SASH3: variants seen among roughly 807,000 people sequenced by gnomAD.
The protein encoded by SASH3 is SAM and SH3 domain containing 3, also known as SAM and SH3 domain-containing protein 3.
A neutral mutation model predicts 26.1 loss-of-function variants in SASH3; 7 were observed. That is an observed-to-expected ratio of 0.27 (90% CI 0.15 to 0.50). SASH3 has a LOEUF of 0.50. Among genes scored for constraint, SASH3 ranks in the 20% least tolerant of loss-of-function variants. The pLI is 0.98. For missense variants in SASH3, 231 were observed against 318.3 expected, an observed-to-expected ratio of 0.73 and a Z score of 2.09; for synonymous variants, 138 against 136.8, an observed-to-expected ratio of 1.01 and a Z score of -0.06.
intron 2 of SASH3, 67 bp downstream of exon 2, chrX:129,788,137 G>GTGGC: frequency 2.8e-6 from 1 of 354,264 alleles, no homozygotes. Context: ...GGGTGGGAGG[G>GTGGC]AAGAGGGTGA....
rs200345952 is a variant in SASH3 at position 129,788,493 on chromosome X, G to A, written c.216G>A (p.Leu72=). The A allele has an allele frequency of 8.3e-7, 1 of 1,209,859 alleles. No homozygotes were observed. The highest frequency in any genetic ancestry group is 1.7e-5 in the African/African-American group (1 of 57,226). ...PEDAGKSGKK[L]GKKWRAVISR... is the part of the protein sequence containing the mutation. ...ATGCTGGGAAGAGTGGCAAAAAGCT[G>A]GGGAAGAAGTGGAGGGCAGTGATTT... The change falls in exon 3 of 8, where the codon CTG becomes CTA. Residue 72 remains leucine, a synonymous_variant. Transcript: ENST00000356892.
At chrX:129,782,128 G>A (rs1287385737) in intron 1 of SASH3, among the ~76,000 whole-genome samples, 2 of 112,423 alleles carry the variant, frequency 1.8e-5, no homozygotes, top group South Asian at 3.6e-4. Flanking sequence ...ATCCTACCAC[G>A]CTCTAGCTGT....
intron 6 of SASH3, 66 bp from the exon 7 acceptor site, chrX:129,792,923 G>A: frequency 8.3e-7 from 1 of 1,202,449 alleles, no homozygotes. Flanking sequence ...GCTATGCGTA[G>A]TTGGGGAGGA....
intron 1 of SASH3, among the ~76,000 whole-genome samples, chrX:129,783,647 C>T (rs1927056562): frequency 8.9e-6 from 1 of 111,948 alleles, no homozygotes; most frequent in African/African-American, 3.3e-5. Flanking sequence ...AGCTGGCACA[C>T]AGGAAGTGCT....
At position 129,794,056 on chromosome X, in the gene SASH3, C is replaced by T. The variant is rs183390158; in HGVS notation, c.*224C>T. 49 of 388,335 alleles carry T rather than the reference C, an allele frequency of 1.3e-4. No individual in the cohort carries two copies. Among genetic ancestry groups the T allele is most frequent in the South Asian group, 4.0e-4 (7 of 17,445 alleles). 32.0% of individuals were successfully genotyped at this position (388,335 alleles called of 1,213,427 possible). On this transcript the variant is annotated 3_prime_UTR_variant, in exon 8 of 8. Transcript: ENST00000356892. ...GGGCACATCCCACCTGCCTGAGCCC[C>T]GCCCTCCACCAGCGACTGACAGCGC...
intron 1 of SASH3, among the ~76,000 whole-genome samples, chrX:129,785,023 A>G (rs1356223727): frequency 9.1e-6 from 1 of 109,847 alleles, no homozygotes; most frequent in Non-Finnish European, 1.9e-5. Flanking sequence ...TACAATACAT[A>G]TATACTCAAC....
chrX:129,788,791 G>A (rs1301138671), intron 3 of SASH3, among the ~76,000 whole-genome samples: 1 of 111,116 alleles, frequency 9.0e-6, no homozygotes, highest in African/African-American at 3.3e-5. Context: ...GGGAAGGGGT[G>A]GAGTTTGAGA....
chrX:129,793,545 G>C lies in SASH3; in HGVS notation c.953-97G>C. 3 of 898,587 alleles carry C rather than the reference G, an allele frequency of 3.3e-6. No individual in the cohort carries two copies. The East Asian group carries it at 1.0e-4, about 30-fold the overall frequency. 74.1% of individuals were successfully genotyped at this position (898,587 alleles called of 1,213,427 possible). A position where few individuals can be genotyped will look rare whatever the true frequency, so the allele number is the denominator to read the frequency against. On this transcript the variant is annotated intron_variant, in intron 7 of 7. Coordinates refer to ENST00000356892, the MANE Select transcript of SASH3 (RefSeq NM_018990.4). ...GAAGCAGTGAGGAGAGGGGCAGGGC[G>C]GTGGCAGGTGCCCAGAAGGAGAGAC...
At position 129,793,728 on chromosome X, in the gene SASH3, C is replaced by T. The variant is rs2124084444; in HGVS notation, c.1039C>T (p.Arg347Cys). 3.3e-6 allele frequency: 4 copies of T among 1,211,940 alleles called. No individual in the cohort carries two copies. The highest frequency in any genetic ancestry group is 4.5e-6 in the Non-Finnish European group (4 of 895,402). ...GTCGGAACCCAAGGTGGACATCCCG[C>T]GCGACTCAGGCTGCTTTGAGGGCTC... ...TVSEPKVDIP[R>C]DSGCFEGSES... is the part of the protein sequence containing the mutation. The change falls in exon 8 of 8, where the codon CGC (arginine) becomes TGC (cysteine). Residue 347 changes from arginine (R) to cysteine (C), a missense_variant. Physicochemically the swap from Arg to Cys is radical, Grantham distance 180. Transcript: ENST00000356892.
chrX:129,791,747 G>A (rs749296592), intron 4 of SASH3, among the ~76,000 whole-genome samples: 2 of 112,197 alleles, frequency 1.8e-5, no homozygotes, highest in African/African-American at 6.5e-5. Context: ...CCCTGCCCCC[G>A]ACTGAAAATC....
intron 3 of SASH3, among the ~76,000 whole-genome samples, chrX:129,789,855 T>C (rs1927200036): frequency 8.9e-6 from 1 of 111,966 alleles, no homozygotes; most frequent in Non-Finnish European, 1.9e-5. Context: ...TTGGTCAAAC[T>C]GTCAAAAATT....
At position 129,791,055 on chromosome X, in the gene SASH3, C is replaced by T. The variant is rs150062353; in HGVS notation, c.416C>T (p.Pro139Leu). The change falls in exon 4 of 8, where the codon CCG becomes CTG. Residue 139 changes from proline (P) to leucine (L), a missense_variant. Coordinates refer to ENST00000356892, the MANE Select transcript of SASH3 (RefSeq NM_018990.4). ...TCTGAGCAAGAGGAGCATGAACTTC[C>T]GGTGCTCAGCCGCCAGGCATCAACA... The part of the protein sequence containing the change: ...AFSEQEEHEL[P>L]VLSRQASTGS... 154 of 1,209,346 alleles carry T rather than the reference C, an allele frequency of 1.3e-4. No homozygotes were observed. The African/African-American group carries it at 1.8e-3, about 14-fold the overall frequency.
intron 1 of SASH3, among the ~76,000 whole-genome samples, chrX:129,781,387 G>T (rs968511116): frequency 1.8e-5 from 2 of 111,714 alleles, no homozygotes; most frequent in Admixed American, 1.9e-4. Flanking sequence ...GGGCGGGGGA[G>T]GGGGGAGGTT....
chrX:129,788,115 G>GC, intron 2 of SASH3, 45 bp downstream of exon 2: 1 of 815,917 alleles, frequency 1.2e-6, no homozygotes, highest in Non-Finnish European at 1.8e-6. Context: ...CAGGCCCTGG[G>GC]CAGGGGGGTG....
At chrX:129,788,137 G>GGGGGGGGGGTGGGC in intron 2 of SASH3, 67 bp downstream of exon 2, 1 of 354,270 alleles carries the variant, frequency 2.8e-6, no homozygotes, top group Non-Finnish European at 5.4e-6. Flanking sequence ...GGGTGGGAGG[G>GGGGGGGGGGTGGGC]AAGAGGGTGA....
chrX:129,790,934 C>T lies in SASH3; in HGVS notation c.301-6C>T, dbSNP rs1927217979. 1 of 1,208,287 alleles carries T rather than the reference C, an allele frequency of 8.3e-7. No homozygotes were observed. The highest frequency in any genetic ancestry group is 2.2e-5 in the Admixed American group (1 of 45,519). On this transcript the variant is annotated splice_region_variant and splice_polypyrimidine_tract_variant and intron_variant, in intron 3 of 7. Coordinates refer to ENST00000356892, the MANE Select transcript of SASH3 (RefSeq NM_018990.4). The stretch of plus-strand genomic sequence containing the variant: ...CCTTAAAGCTTCCCGCCTACCCTCC[C>T]TGCAGGCAGACACTCTGGAGGAGGG...
chrX:129,784,292 T>C (rs1927069096), intron 1 of SASH3, among the ~76,000 whole-genome samples: 1 of 112,092 alleles, frequency 8.9e-6, no homozygotes, highest in Non-Finnish European at 1.9e-5. Flanking sequence ...GTACTATTCT[T>C]TTGTGTGACT....
At chrX:129,788,305 G>A in intron 2 of SASH3, 126 bp from the exon 3 acceptor site, 2 of 683,241 alleles carry the variant, frequency 2.9e-6, no homozygotes, top group South Asian at 2.6e-5. Context: ...TAAGAGGGGA[G>A]GGGATGGGGG....
chrX:129,789,941 T>C (rs1043159476), intron 3 of SASH3, among the ~76,000 whole-genome samples: 4 of 112,226 alleles, frequency 3.6e-5, no homozygotes, highest in African/African-American at 1.3e-4. Context: ...AATTATATTT[T>C]TTTAAAAAGG....
Sources: allele counts gnomAD v4.1 joint callset (sites outside exome capture counted in the v4.1 genomes callset), GRCh38; gene constraint gnomAD v4.1.1; transcripts MANE v1.5; gene names NCBI Gene and HGNC (gene_info 2026-07-23, HGNC 2026-07-21).